The following LYSMD4 variants were observed in gnomAD, a reference collection of about 807,000 sequenced individuals.
LYSMD4 encodes the protein lysM and putative peptidoglycan-binding domain-containing protein 4.
In LYSMD4, 9 loss-of-function variants were observed where a neutral mutation model predicts 6.1. The ratio of observed to expected loss-of-function variants is 1.47; its 90% CI spans 0.88 to 2.56. The LOEUF is 2.56. LYSMD4 is among the 30% of genes most tolerant of loss of function. LYSMD4 has a pLI of 0.00. For synonymous variants in LYSMD4, 143 were observed against 148.5 expected (o/e 0.96, Z 0.27); for missense variants, 384 against 373.5 (o/e 1.03, Z -0.23).
At chr15:99,723,403 C>A (rs2059252668), downstream of LYSMD4, among the ~76,000 whole-genome samples, 1 of 152,226 alleles carries the variant, frequency 6.6e-6, no homozygotes, top group African/African-American at 2.4e-5. Flanking sequence ...CCCTTCATCA[C>A]AGGGCCAATT....
chr15:99,729,970 G>A (rs1207388735), intron 2 of LYSMD4, among the ~76,000 whole-genome samples: 1 of 152,180 alleles, frequency 6.6e-6, no homozygotes, highest in Non-Finnish European at 1.5e-5. Context: ...AGATTTACAG[G>A]TTTGAACAAT....
downstream of LYSMD4, among the ~76,000 whole-genome samples, chr15:99,724,403 G>T (rs1178711179): frequency 6.6e-6 from 1 of 152,224 alleles, no homozygotes; most frequent in African/African-American, 2.4e-5. Context: ...CGGGACTACA[G>T]GCGCATGCTA....
intron 2 of LYSMD4, 49 bp downstream of exon 2, chr15:99,731,669 C>A: frequency 6.5e-7 from 1 of 1,534,832 alleles, no homozygotes; most frequent in South Asian, 1.3e-5. Context: ...AGTGAGTTCC[C>A]CGTGTTCCTT....
intron 2 of LYSMD4, among the ~76,000 whole-genome samples, chr15:99,730,743 A>G (rs917848397): frequency 3.3e-5 from 5 of 152,198 alleles, no homozygotes; most frequent in Non-Finnish European, 5.9e-5. Flanking sequence ...AGGAAAACTG[A>G]TCACTTATCA....
exon 1 of LYSMD4, chr15:99,716,181 GC>G (rs2059133222): frequency 5.5e-6 from 1 of 181,082 alleles, no homozygotes; most frequent in South Asian, 1.1e-4. Flanking sequence ...ATTTAAAATG[GC>G]TTTTTTAAAA....
exon 1 of LYSMD4, chr15:99,716,610 C>T (rs1345914353): frequency 2.2e-6 from 1 of 456,748 alleles, no homozygotes; most frequent in East Asian, 6.9e-5. Flanking sequence ...CACCTGCAGG[C>T]TTCTTTCTCT....
Position 99,729,563 on chromosome 15 carries a change from C to T in LYSMD4, c.451G>A (p.Glu151Lys). The T allele has an allele frequency of 6.2e-7, 1 of 1,614,198 alleles. No individual in the cohort carries two copies. Among genetic ancestry groups the T allele is most frequent in the Non-Finnish European group, 8.5e-7 (1 of 1,180,038 alleles). Reference protein sequence around the residue: ...SETTVTVELPEADRAGAGTGA... With the variant: ...SETTVTVELPKADRAGAGTGA... ...GTGCCCGCGCCTGCTCTGTCTGCCT[C>T]TGGCAGTTCCACGGTCACTGTGGTC... The change falls in exon 3 of 3, where the codon GAG becomes AAG. Residue 151 changes from glutamate (E) to lysine (K), a missense_variant. Coordinates refer to ENST00000684762, the MANE Select transcript of LYSMD4 (RefSeq NM_001284417.2).
chr15:99,733,176 C>T, intron 1 of LYSMD4, 169 bp downstream of exon 1: 1 of 373,710 alleles, frequency 2.7e-6, no homozygotes, highest in Admixed American at 4.6e-5. Context: ...CCACCTGGGG[C>T]CAGCCCACGA....
At chr15:99,716,392 G>C in exon 1 of LYSMD4, 1 of 401,938 alleles carries the variant, frequency 2.5e-6, no homozygotes, top group Non-Finnish European at 5.1e-6. Context: ...ATATAATAGT[G>C]AACTTTTTAT....
In LYSMD4 at chr15:99,729,052, C is replaced by A. The variant is rs2059335351; in HGVS notation, c.*71G>T. 1 of 1,578,950 alleles carries A rather than the reference C, an allele frequency of 6.3e-7. No homozygotes were observed. On this transcript the variant is annotated 3_prime_UTR_variant, in exon 3 of 3. Transcript: ENST00000684762. ...GAAGCAAAATGCAGCACCCCTAGGA[C>A]ATCGCCAGTGACAGCTGAGGCACAT...
At chr15:99,731,636 G>A (rs1445009511) in intron 2 of LYSMD4, 82 bp downstream of exon 2, 4 of 1,521,410 alleles carry the variant, frequency 2.6e-6, no homozygotes, top group African/African-American at 1.4e-5. Context: ...GGTTAAGAAG[G>A]GCGGCAAGGG....
At chr15:99,732,683 C>G (rs2059447594) in intron 1 of LYSMD4, among the ~76,000 whole-genome samples, 1 of 152,262 alleles carries the variant, frequency 6.6e-6, no homozygotes, top group Non-Finnish European at 1.5e-5. Flanking sequence ...CCCTGTTCCT[C>G]TCTCCAGATT....
chr15:99,723,909 G>T (rs1205628532), downstream of LYSMD4, among the ~76,000 whole-genome samples: 2 of 144,830 alleles, frequency 1.4e-5, no homozygotes, highest in African/African-American at 5.8e-5. Flanking sequence ...ATCATGTCCA[G>T]ATCACTTAAA....
exon 1 of LYSMD4, chr15:99,715,817 C>G (rs988040169): frequency 6.6e-6 from 1 of 152,186 alleles, no homozygotes; most frequent in African/African-American, 2.4e-5. Flanking sequence ...GCCACTCCAC[C>G]GCGAGTGGAA....
rs2059331521 is a variant in LYSMD4, at chr15:99,728,830, GT to G, written c.*292del. The G allele has an allele frequency of 2.5e-6, 1 of 400,932 alleles. No homozygotes were observed. Among genetic ancestry groups the G allele is most frequent in the African/African-American group, 2.0e-5 (1 of 50,218 alleles). The allele number at this position is 400,932 out of a possible 1,614,324, so 24.8% of individuals were successfully genotyped here. On this transcript the variant is annotated 3_prime_UTR_variant, in exon 3 of 3. Coordinates refer to ENST00000684762, the MANE Select transcript of LYSMD4 (RefSeq NM_001284417.2). ...CCCTCCGAGCACGTCCAACTTGGGG[GT>G]CCTCACAGTGCTGCTATGAACTGGC...
In LYSMD4 at chr15:99,716,273, T is replaced by C. The variant is rs150316263; in HGVS notation, c.*129A>G. 710 of 342,270 alleles carry C rather than the reference T, an allele frequency of 2.1e-3. 1 individual carries two copies. The highest frequency in any genetic ancestry group is 3.3e-3 in the Non-Finnish European group (565 of 172,678). 21.2% of individuals were successfully genotyped at this position (342,270 alleles called of 1,614,324 possible). On this transcript the variant is annotated 3_prime_UTR_variant, in exon 1 of 1. Transcript: ENST00000378904. ...CACGGTTTGATCATGTAAAACCGTT[T>C]GGCGGCACAAGCTGGACTTTGTTGC... is the stretch of plus-strand genomic sequence containing the variant.
chr15:99,719,945 A>C (rs1009527375), upstream of LYSMD4, among the ~76,000 whole-genome samples: 1 of 152,036 alleles, frequency 6.6e-6, no homozygotes, highest in Non-Finnish European at 1.5e-5. Context: ...CATTTTTTTC[A>C]TATGTTTGAG....
intron 1 of LYSMD4, among the ~76,000 whole-genome samples, chr15:99,732,337 T>G (rs549601379): frequency 6.6e-5 from 10 of 152,370 alleles, no homozygotes; most frequent in African/African-American, 2.4e-4. Flanking sequence ...GTTGAGATCC[T>G]TGCAATGGCA....
chr15:99,718,911 AC>A (rs2059216333), upstream of LYSMD4, among the ~76,000 whole-genome samples: 1 of 19,854 alleles, frequency 5.0e-5, no homozygotes, highest in African/African-American at 2.3e-4. Flanking sequence ...AGTTATGCGC[AC>A]ACACACACAC....
Sources: allele counts gnomAD v4.1 joint callset (sites outside exome capture counted in the v4.1 genomes callset), GRCh38; gene constraint gnomAD v4.1.1; transcripts MANE v1.5; gene names NCBI Gene and HGNC (gene_info 2026-07-23, HGNC 2026-07-21).